The following B3GNT5 variants were observed in gnomAD, a reference collection of about 807,000 sequenced individuals.
B3GNT5 encodes lactosylceramide 1,3-N-acetyl-beta-D-glucosaminyltransferase.
A neutral mutation model predicts 25.9 loss-of-function variants in B3GNT5; 11 were observed. The ratio of observed to expected loss-of-function variants is 0.42; its 90% confidence interval spans 0.27 to 0.70. B3GNT5 has a LOEUF of 0.70. B3GNT5 is among the 30% of genes least tolerant of loss of function. The probability of loss-of-function intolerance (pLI) is 0.23; values close to 1 mark genes in which losing one functional copy is unlikely to be tolerated. For synonymous variants in B3GNT5, 166 were observed against 158.6 expected (o/e 1.05, Z -0.35); for missense variants, 385 against 458.4 (o/e 0.84, Z 1.46).
chr3:183,266,956 T>G (rs1304379381), intron 1 of B3GNT5, among the ~76,000 whole-genome samples: 1 of 152,010 alleles, frequency 6.6e-6, no homozygotes, highest in African/African-American at 2.4e-5. Context: ...CCGGCTAATT[T>G]TTGAATTTTT....
At chr3:183,254,450 C>A (rs1235935754) in intron 1 of B3GNT5, among the ~76,000 whole-genome samples, 2 of 151,944 alleles carry the variant, frequency 1.3e-5, no homozygotes, top group Non-Finnish European at 2.9e-5. Flanking sequence ...CCGGCCTGCC[C>A]GCGCGGGTGG....
rs947972200 is a variant in B3GNT5 at position 183,267,591 on chromosome 3, A to G, written c.-301-1907A>G. ...CAGGGCCTTTGCCCTGGGGCTTGCTATGTGGCTCAGCCTACACGGCTCTCT... is the reference window on the plus strand; with the variant it reads ...CAGGGCCTTTGCCCTGGGGCTTGCTGTGTGGCTCAGCCTACACGGCTCTCT... On this transcript the variant is annotated intron_variant, in intron 1 of 1. Transcript: ENST00000326505. The surrounding 1 kb of genome is among the most constrained non-coding windows in gnomAD (Gnocchi z 5.5). Among the ~76,000 whole-genome samples the G allele has an allele frequency of 1.3e-5, 2 of 152,104 alleles. No homozygotes were observed. Among genetic ancestry groups the G allele is most frequent in the Non-Finnish European group, 2.9e-5 (2 of 68,032 alleles).
At chr3:183,256,468 G>T (rs1341209517) in intron 1 of B3GNT5, among the ~76,000 whole-genome samples, 4 of 152,130 alleles carry the variant, frequency 2.6e-5, no homozygotes, top group Admixed American at 1.3e-4. Context: ...CGATTTTTTA[G>T]AAACATTTTA....
chr3:183,254,805 G>T (rs933184223), intron 1 of B3GNT5: 3 of 152,286 alleles, frequency 2.0e-5, no homozygotes, highest in Admixed American at 2.0e-4. Context: ...GAAGTGGGCA[G>T]GCGGGGAGAC....
chr3:183,268,007 TAAG>T (rs1393007937), intron 1 of B3GNT5, among the ~76,000 whole-genome samples: 2 of 152,158 alleles, frequency 1.3e-5, no homozygotes, highest in Non-Finnish European at 2.9e-5. Flanking sequence ...GTATGGGGTA[TAAG>T]AAGGTGCTGG....
chr3:183,264,986 A>C (rs1281933816), intron 1 of B3GNT5, among the ~76,000 whole-genome samples: 2 of 152,220 alleles, frequency 1.3e-5, no homozygotes, highest in Non-Finnish European at 2.9e-5. Flanking sequence ...CCTTCTTCTC[A>C]GTCCAAATAG....
At chr3:183,269,392 A>C (rs1036314234) in intron 1 of B3GNT5, 106 bp from the exon 2 acceptor site, 2 of 166,540 alleles carry the variant, frequency 1.2e-5, no homozygotes, top group African/African-American at 4.8e-5. Flanking sequence ...CCTTTTGTGC[A>C]GACAGGGCAG....
chr3:183,266,492 T>C (rs1726133729), intron 1 of B3GNT5, among the ~76,000 whole-genome samples: 1 of 152,242 alleles, frequency 6.6e-6, no homozygotes, highest in African/African-American at 2.4e-5. Context: ...TACCTTGCTT[T>C]AAGCCTCCAG....
chr3:183,257,265 T>G (rs1411466170), intron 1 of B3GNT5, among the ~76,000 whole-genome samples: 2 of 152,226 alleles, frequency 1.3e-5, no homozygotes, highest in African/African-American at 4.8e-5. Flanking sequence ...AGGCACAGTA[T>G]ACATCTACTT....
chr3:183,272,879 C>A lies in B3GNT5; in HGVS notation c.*1944C>A. On this transcript the variant is annotated 3_prime_UTR_variant, in exon 2 of 2. Coordinates refer to ENST00000326505, the MANE Select transcript of B3GNT5 (RefSeq NM_032047.5). ...CAAAGTGATCTTGTTTACAGCAGTG[C>A]TTTTGTGAAACAATTATTTATTTGC... The A allele has an allele frequency of 7.7e-7, 1 of 1,303,840 alleles. No homozygotes were observed. Among genetic ancestry groups the A allele is most frequent in the Non-Finnish European group, 9.8e-7 (1 of 1,017,686 alleles). The allele number at this position is 1,303,840 out of a possible 1,614,324, so 80.8% of individuals were successfully genotyped here. A position where few individuals can be genotyped will look rare whatever the true frequency, so the allele number is the denominator to read the frequency against.
chr3:183,258,112 CAT>C (rs1172869753), intron 1 of B3GNT5, among the ~76,000 whole-genome samples: 35 of 152,070 alleles, frequency 2.3e-4, no homozygotes, highest in East Asian at 1.9e-4. Flanking sequence ...GGATTACAGG[CAT>C]GCTCCACCAC....
In B3GNT5 at chr3:183,269,960, C is replaced by T. The variant is rs1398736196; in HGVS notation, c.162C>T (p.Ser54=). ...ATTCTTACAGATACCTCATAAATAG[C>T]TATGACTTTGTGAATGATACCCTGT... ...KSYSYRYLIN[S]YDFVNDTLSL... is the part of the protein sequence containing the mutation. The change falls in exon 2 of 2, where the codon AGC becomes AGT. Residue 54 remains serine, a synonymous_variant. Transcript: ENST00000326505. The T allele has an allele frequency of 1.2e-6, 2 of 1,614,100 alleles. No homozygotes were observed. The highest frequency in any genetic ancestry group is 1.3e-5 in the African/African-American group (1 of 75,018).
In B3GNT5 at chr3:183,272,746, GTTGA is replaced by G. The variant is rs753071286; in HGVS notation, c.*1818_*1821del. On this transcript the variant is annotated 3_prime_UTR_variant, in exon 2 of 2. Coordinates refer to ENST00000326505, the MANE Select transcript of B3GNT5 (RefSeq NM_032047.5). Reference sequence around the variant, plus strand: ...ACAAGCTTATAATTAATTTTTATTAGTTGATTGATTAATGATGTATTGCCTTTTG... The same window carrying G: ...ACAAGCTTATAATTAATTTTTATTAGTTGATTAATGATGTATTGCCTTTTG... 2 of 1,055,812 alleles carry G rather than the reference GTTGA, an allele frequency of 1.9e-6. No individual in the cohort carries two copies. The highest frequency in any genetic ancestry group is 2.3e-6 in the Non-Finnish European group (2 of 866,734). The allele number at this position is 1,055,812 out of a possible 1,614,324, so 65.4% of individuals were successfully genotyped here. A position where few individuals can be genotyped will look rare whatever the true frequency, so the allele number is the denominator to read the frequency against.
At chr3:183,266,790 C>CTT (rs113393313) in intron 1 of B3GNT5, among the ~76,000 whole-genome samples, 3 of 143,712 alleles carry the variant, frequency 2.1e-5, no homozygotes, top group Admixed American at 6.9e-5. Context: ...GTGTTTCAGT[C>CTT]TTTTTTTTTT....
chr3:183,254,414 C>G (rs1576968106), intron 1 of B3GNT5, among the ~76,000 whole-genome samples: 1 of 151,870 alleles, frequency 6.6e-6, no homozygotes, highest in East Asian at 1.9e-4. Context: ...GAGGCTCGTC[C>G]CCTCCCCGGA....
At position 183,259,874 on chromosome 3, in the gene B3GNT5, G is replaced by A. The variant is rs924049370; in HGVS notation, c.-302+6402G>A. Among the ~76,000 whole-genome samples, 13 of 152,164 alleles carry A rather than the reference G, an allele frequency of 8.5e-5. 1 individual carries two copies. On this transcript the variant is annotated intron_variant, in intron 1 of 1. Transcript: ENST00000326505. ...GAAGGAGGGAAAACTGAAATGGAAG[G>A]TTTGAAAAAGAGTGTGTTAGTGAAG...
At chr3:183,264,443 T>G (rs1725912385) in intron 1 of B3GNT5, among the ~76,000 whole-genome samples, 1 of 152,268 alleles carries the variant, frequency 6.6e-6, no homozygotes. Context: ...TATGCTTTCA[T>G]GTGGGAACTA....
rs1726791956 is a variant in B3GNT5, at chr3:183,271,633, T to A, written c.*698T>A. The stretch of plus-strand genomic sequence containing the variant: ...TACTTTATATGTTTTTAATGGATTT[T>A]TTTTTAAGTATTAGAAAATGACACA... On this transcript the variant is annotated 3_prime_UTR_variant, in exon 2 of 2. Coordinates refer to ENST00000326505, the MANE Select transcript of B3GNT5 (RefSeq NM_032047.5). 1 of 167,098 alleles carries A rather than the reference T, an allele frequency of 6.0e-6. No individual in the cohort carries two copies. Among genetic ancestry groups the A allele is most frequent in the African/African-American group, 2.4e-5 (1 of 41,462 alleles). The allele number at this position is 167,098 out of a possible 1,614,324, so 10.4% of individuals were successfully genotyped here.
intron 1 of B3GNT5, 200 bp downstream of exon 1, chr3:183,253,672 G>A (rs1220623896): frequency 6.6e-6 from 1 of 152,372 alleles, no homozygotes; most frequent in East Asian, 1.9e-4. Flanking sequence ...CTCCCGCTCG[G>A]AAAGTAAAAG....
Sources: gnomAD v4.1 joint callset for allele counts (sites outside exome capture counted in the v4.1 genomes callset) on GRCh38, gnomAD v4.1.1 for gene constraint, Gnocchi (gnomAD v3.1) non-coding constraint, MANE v1.5 for transcripts, NCBI Gene and HGNC (gene_info 2026-07-23, HGNC 2026-07-21) for gene names.